Variants in ZNF385B observed in about 807,000 individuals in gnomAD.
ZNF385B encodes the protein zinc finger protein 533.
A neutral mutation model predicts 39.2 loss-of-function variants in ZNF385B; 23 were observed. That is an observed-to-expected ratio of 0.59 (90% CI 0.42 to 0.83). The LOEUF (loss-of-function observed/expected upper bound fraction) is 0.83. Ranked by LOEUF, ZNF385B falls within the 40% of genes least tolerant of loss-of-function variation. The probability of loss-of-function intolerance (pLI) is 0.00; values close to 1 mark genes in which losing one functional copy is unlikely to be tolerated. For synonymous variants in ZNF385B, 205 were observed against 222.6 expected, an observed-to-expected ratio of 0.92 and a Z score of 0.70; for missense variants, 552 against 598.9, an observed-to-expected ratio of 0.92 and a Z score of 0.82.
rs117939481 is a variant in ZNF385B at position 179,643,703 on chromosome 2, G to A, written c.299-98734C>T. Among the ~76,000 whole-genome samples, 102 of 152,224 alleles carry A rather than the reference G, an allele frequency of 6.7e-4. 3 individuals carry two copies. In the East Asian group the frequency reaches 0.02, roughly 29 times the overall value. On this transcript the variant is annotated intron_variant, in intron 3 of 9. Transcript: ENST00000410066. ...GAGAAGAGCATAGTTGTTGCCAAGG[G>A]TGAGGGATGGAGAGACAGTGTAAGT... is the stretch of plus-strand genomic sequence containing the variant.
chr2:179,679,614 TTGTTG>T, intron 3 of ZNF385B, among the ~76,000 whole-genome samples: 1 of 151,314 alleles, frequency 6.6e-6, no homozygotes, highest in Admixed American at 6.6e-5. Context: ...GTTGTTGTTG[TTGTTG>T]TTGTTGTTGT....
intron 4 of ZNF385B, 97 bp downstream of exon 4, chr2:179,544,730 T>C: frequency 6.7e-7 from 1 of 1,482,286 alleles, no homozygotes; most frequent in Non-Finnish European, 9.3e-7. Context: ...GGTCTAAAAT[T>C]ACACACTTTG....
chr2:179,460,158 T>C (rs1020110558), intron 6 of ZNF385B, among the ~76,000 whole-genome samples: 1 of 152,006 alleles, frequency 6.6e-6, no homozygotes, highest in East Asian at 1.9e-4. Context: ...TAGTAGTAAG[T>C]GCACTAAGAA....
rs147923627 is a variant in ZNF385B at position 179,590,990 on chromosome 2, A to G, written c.299-46021T>C. Among the ~76,000 whole-genome samples the G allele has an allele frequency of 7.1e-3, 1,081 of 152,284 alleles. 6 individuals carry two copies. The highest frequency in any genetic ancestry group is 0.011 in the Non-Finnish European group (745 of 68,014). On this transcript the variant is annotated intron_variant, in intron 3 of 9. Transcript: ENST00000410066. ...ACCTACATTTACTTATAATGACTAT[A>G]GTACCAACAGTCCTAGAAAGTTAAG...
In ZNF385B at chr2:179,521,342, G is replaced by A. The variant is rs144414144; in HGVS notation, c.442-2704C>T. On this transcript the variant is annotated intron_variant, in intron 4 of 9. Transcript: ENST00000410066. ...GCTGGGATTATAGGCACCCACCACC[G>A]CACCTGGCCAGTTTTTTTTTTTTTT... is the stretch of plus-strand genomic sequence containing the variant. Among the ~76,000 whole-genome samples the A allele has an allele frequency of 3.7e-3, 473 of 127,530 alleles. 4 individuals carry two copies. Among genetic ancestry groups the A allele is most frequent in the African/African-American group, 0.013 (436 of 34,850 alleles). 83.7% of individuals were successfully genotyped at this position (127,530 alleles called of 152,430 possible). A position where few individuals can be genotyped will look rare whatever the true frequency, so the allele number is the denominator to read the frequency against.
chr2:179,574,683 A>G (rs1356067), intron 3 of ZNF385B, among the ~76,000 whole-genome samples: 62,835 of 152,022 alleles, frequency 0.41, 13,287 homozygotes, highest in East Asian at 0.61. Context: ...TCATACTTGT[A>G]CATTGAAGAA....
intron 1 of ZNF385B, among the ~76,000 whole-genome samples, chr2:179,833,768 G>GA (rs1233838477): frequency 9.2e-5 from 14 of 151,824 alleles, no homozygotes; most frequent in Admixed American, 9.2e-4. Flanking sequence ...AATTCACTCA[G>GA]AAAAAAATGA....
At chr2:179,751,385 A>T (rs1702665934) in intron 3 of ZNF385B, among the ~76,000 whole-genome samples, 1 of 152,120 alleles carries the variant, frequency 6.6e-6, no homozygotes, top group Non-Finnish European at 1.5e-5. Flanking sequence ...TCATGGCACC[A>T]TCTTGTGGTA....
intron 3 of ZNF385B, among the ~76,000 whole-genome samples, chr2:179,581,489 G>A (rs1686513118): frequency 6.6e-6 from 1 of 152,152 alleles, no homozygotes; most frequent in Non-Finnish European, 1.5e-5. Context: ...TTAATTCTGA[G>A]TGATTTAAAA....
chr2:179,785,203 T>G (rs1433660859), intron 1 of ZNF385B, among the ~76,000 whole-genome samples: 1 of 152,046 alleles, frequency 6.6e-6, no homozygotes, highest in African/African-American at 2.4e-5. Flanking sequence ...AGTCATTAGC[T>G]TCGAGGAGTG....
At chr2:179,608,339 C>G (rs1371419318) in intron 3 of ZNF385B, among the ~76,000 whole-genome samples, 1 of 152,140 alleles carries the variant, frequency 6.6e-6, no homozygotes, top group African/African-American at 2.4e-5. Context: ...GTGGTGTGAA[C>G]TTCAATCTGT....
rs529140000 is a variant in ZNF385B at position 179,672,117 on chromosome 2, G to A, written c.298+97386C>T. Among the ~76,000 whole-genome samples, 6 of 152,346 alleles carry A rather than the reference G, an allele frequency of 3.9e-5. No individual in the cohort carries two copies. The South Asian group carries it at 1.0e-3, about 26-fold the overall frequency. ...CTCTGCCCCAATGTGTCCAGAAGGT[G>A]GGACCACAGCTCCAGTGGGTCTGGA... On this transcript the variant is annotated intron_variant, in intron 3 of 9. Transcript: ENST00000410066.
chr2:179,508,315 T>G (rs1285986596), intron 5 of ZNF385B, among the ~76,000 whole-genome samples: 2 of 152,224 alleles, frequency 1.3e-5, no homozygotes, highest in African/African-American at 4.8e-5. Flanking sequence ...AATTTTCAGC[T>G]GAAGAATCCC....
intron 1 of ZNF385B, among the ~76,000 whole-genome samples, chr2:179,840,300 C>T (rs116765666): frequency 6.6e-6 from 1 of 152,310 alleles, no homozygotes; most frequent in African/African-American, 2.4e-5. Context: ...TCATTTCTTG[C>T]CACCCTAAGT....
intron 4 of ZNF385B, among the ~76,000 whole-genome samples, chr2:179,521,047 G>T: frequency 6.6e-6 from 1 of 151,498 alleles, no homozygotes; most frequent in Admixed American, 6.6e-5. Context: ...CTAGTTTCAA[G>T]TTCTTAGTAG....
intron 3 of ZNF385B, among the ~76,000 whole-genome samples, chr2:179,754,999 C>T (rs1351721921): frequency 6.6e-6 from 1 of 152,062 alleles, no homozygotes; most frequent in South Asian, 2.1e-4. Flanking sequence ...GCTCTTGCTT[C>T]TCTAGTTCTT....
At chr2:179,500,825 C>G (rs1214743354) in intron 5 of ZNF385B, among the ~76,000 whole-genome samples, 1 of 152,070 alleles carries the variant, frequency 6.6e-6, no homozygotes, top group East Asian at 1.9e-4. Context: ...TGGGATAAAA[C>G]ATCTGCAAAC....
intron 1 of ZNF385B, among the ~76,000 whole-genome samples, chr2:179,818,637 C>T (rs1707215024): frequency 6.6e-6 from 1 of 152,156 alleles, no homozygotes; most frequent in Non-Finnish European, 1.5e-5. Context: ...TACCACGAAG[C>T]ACTGACACGG....
intron 3 of ZNF385B, among the ~76,000 whole-genome samples, chr2:179,724,208 C>A (rs1459309939): frequency 6.6e-6 from 1 of 152,050 alleles, no homozygotes; most frequent in Non-Finnish European, 1.5e-5. Flanking sequence ...ACTTAGGAGG[C>A]CAAGGCAGGA....
Sources: gnomAD v4.1 joint callset for allele counts (sites outside exome capture counted in the v4.1 genomes callset) on GRCh38, gnomAD v4.1.1 for gene constraint, MANE v1.5 for transcripts, NCBI Gene and HGNC (gene_info 2026-07-23, HGNC 2026-07-21) for gene names.